NAV1: variants seen among roughly 807,000 people sequenced by gnomAD.
The protein encoded by NAV1 is pore membrane and/or filament interacting like protein 3.
Under a neutral mutation model 175.2 loss-of-function variants are expected in NAV1, and 18 were observed. The ratio of observed to expected loss-of-function variants is 0.10; its 90% CI spans 0.07 to 0.15. NAV1 has a LOEUF of 0.15. Among genes scored for constraint, NAV1 ranks in the 10% least tolerant of loss-of-function variants. NAV1 has a pLI of 1.00. For missense variants in NAV1, 1,731 were observed against 2,436.6 expected (o/e 0.71, Z 6.10); for synonymous variants, 897 against 978.7 (o/e 0.92, Z 1.56).
chr1:201,777,663 A>G (rs1271081333), intron 3 of NAV1, among the ~76,000 whole-genome samples: 2 of 151,344 alleles, frequency 1.3e-5, no homozygotes, highest in South Asian at 2.1e-4. Context: ...TTGTTTAAAG[A>G]AAGAGGGCTG....
chr1:201,792,778 C>T (rs1448802743), intron 13 of NAV1: 1 of 152,218 alleles, frequency 6.6e-6, no homozygotes, highest in African/African-American at 2.4e-5. Flanking sequence ...GAGGCTCTAA[C>T]TGGACTAAAG....
chr1:201,557,180 T>C lies in NAV1; in HGVS notation c.-144+17838T>C, dbSNP rs114122101. On this transcript the variant is annotated intron_variant, in intron 1 of 33. Coordinates refer to the NAV1 transcript ENST00000685211. ...GTGAAATGCCACATTTCAGCCCCAATCATTCAGCCAGATTGGATTGCAATT... is the reference window on the plus strand; with the variant it reads ...GTGAAATGCCACATTTCAGCCCCAACCATTCAGCCAGATTGGATTGCAATT... 7.6e-3 allele frequency among the ~76,000 whole-genome samples: 1,152 copies of C among 152,302 alleles called. 15 individuals are homozygous for C. Among genetic ancestry groups the C allele is most frequent in the African/African-American group, 0.025 (1,059 of 41,560 alleles).
At chr1:201,825,485 C>T (rs1284049416) in exon 30 of NAV1, 2 of 152,170 alleles carry the variant, frequency 1.3e-5, no homozygotes, top group Non-Finnish European at 2.9e-5. Flanking sequence ...GCTCCAGTAT[C>T]CCAGGAAGGC....
At chr1:201,593,308 C>T (rs544343824) in intron 2 of NAV1, among the ~76,000 whole-genome samples, 32 of 152,164 alleles carry the variant, frequency 2.1e-4, no homozygotes, top group Non-Finnish European at 4.0e-4. Context: ...CTTGGGTCCT[C>T]GGGCCTCAAT....
At chr1:201,699,819 T>G (rs1479914114) in intron 1 of NAV1, among the ~76,000 whole-genome samples, 1 of 152,124 alleles carries the variant, frequency 6.6e-6, no homozygotes, top group Non-Finnish European at 1.5e-5. Context: ...TTGACAAATG[T>G]GACAAAAACA....
chr1:201,657,958 G>A lies in NAV1; in HGVS notation c.757+8533G>A, dbSNP rs138301774. On this transcript the variant is annotated intron_variant, in intron 1 of 29. Coordinates refer to ENST00000367296, the Ensembl canonical transcript of NAV1. ...TGAGGTGGAAGGATCACTTGAGCCC[G>A]GGAGGTGGAGGTTGCAGTGATCTGA... 7.2e-5 allele frequency among the ~76,000 whole-genome samples: 11 copies of A among 152,222 alleles called. No homozygotes were observed. The East Asian group carries it at 1.5e-3, about 21-fold the overall frequency.
exon 30 of NAV1, chr1:201,824,839 C>G (rs1364333125): frequency 6.6e-6 from 1 of 152,126 alleles, no homozygotes; most frequent in African/African-American, 2.4e-5. Context: ...CGAAAATTCT[C>G]AATCCCATCC....
chr1:201,698,247 C>A (rs1207988812), intron 1 of NAV1, among the ~76,000 whole-genome samples: 1 of 152,212 alleles, frequency 6.6e-6, no homozygotes, highest in African/African-American at 2.4e-5. Flanking sequence ...CCTGTGACTC[C>A]TCTAACCCAC....
intron 1 of NAV1, among the ~76,000 whole-genome samples, chr1:201,660,073 C>A (rs1669550569): frequency 6.6e-6 from 1 of 152,170 alleles, no homozygotes; most frequent in African/African-American, 2.4e-5. Flanking sequence ...CCCACAGGGC[C>A]TTGATGGTGA....
chr1:201,573,462 A>T (rs149284743), intron 1 of NAV1, among the ~76,000 whole-genome samples: 193 of 152,200 alleles, frequency 1.3e-3, no homozygotes, highest in African/African-American at 4.5e-3. Flanking sequence ...ACCCTCAGGG[A>T]GCCCCTGCCC....
chr1:201,608,433 C>A (rs533275197), intron 2 of NAV1, among the ~76,000 whole-genome samples: 1 of 152,222 alleles, frequency 6.6e-6, no homozygotes, highest in Admixed American at 6.5e-5. Flanking sequence ...TGGGCAGCCT[C>A]GGTCTAACCT....
At chr1:201,794,089 A>C in intron 14 of NAV1, 1 of 693,776 alleles carries the variant, frequency 1.4e-6, no homozygotes, top group Non-Finnish European at 2.6e-6. Context: ...CAGAATTCCA[A>C]TGCCTCGCCC....
At chr1:201,631,407 C>T (rs2102297364) in intron 2 of NAV1, among the ~76,000 whole-genome samples, 1 of 152,374 alleles carries the variant, frequency 6.6e-6, no homozygotes, top group South Asian at 2.1e-4. Flanking sequence ...TGGGGCATGA[C>T]ATGACTCATT....
chr1:201,567,818 C>T (rs1008041313), intron 1 of NAV1, among the ~76,000 whole-genome samples: 1 of 152,250 alleles, frequency 6.6e-6, no homozygotes, highest in Non-Finnish European at 1.5e-5. Flanking sequence ...GTACCCAAAA[C>T]CCCAAAGCCT....
intron 3 of NAV1, among the ~76,000 whole-genome samples, chr1:201,775,907 G>C (rs965579555): frequency 1.3e-5 from 2 of 151,846 alleles, no homozygotes; most frequent in African/African-American, 4.8e-5. Context: ...AAATTTTAAA[G>C]TTAGCTGGGC....
At chr1:201,636,925 G>A (rs1312613233) in intron 2 of NAV1, among the ~76,000 whole-genome samples, 9 of 152,208 alleles carry the variant, frequency 5.9e-5, no homozygotes. Flanking sequence ...AGCCCCTTGT[G>A]ATGACATCAG....
At chr1:201,821,214 C>T (rs1392756799) in exon 30 of NAV1, 1 of 152,632 alleles carries the variant, frequency 6.6e-6, no homozygotes, top group African/African-American at 2.4e-5. Flanking sequence ...TTTGGCCTTT[C>T]ACTGCACTAT....
At chr1:201,816,674 CT>C (rs35468878) in intron 28 of NAV1, among the ~76,000 whole-genome samples, 4,962 of 102,604 alleles carry the variant, frequency 0.048, 206 homozygotes, top group African/African-American at 0.18. Flanking sequence ...AGGAAGTGCA[CT>C]TTTTTTTTTT....
chr1:201,780,943 A>C (rs1445436153), intron 4 of NAV1, 69 bp from the exon 9 acceptor site: 33 of 1,501,228 alleles, frequency 2.2e-5, no homozygotes, highest in Non-Finnish European at 2.9e-5. Context: ...ACTAAAATCA[A>C]TCCTGTCAGC....
Sources: allele counts gnomAD v4.1 joint callset (sites outside exome capture counted in the v4.1 genomes callset), GRCh38; gene constraint gnomAD v4.1.1; transcripts MANE v1.5; gene names NCBI Gene and HGNC (gene_info 2026-07-23, HGNC 2026-07-21).